The following SCAP variants were observed in gnomAD, a reference collection of about 807,000 sequenced individuals.
The protein encoded by SCAP is SREBF chaperone.
Under a neutral mutation model 123.6 loss-of-function variants are expected in SCAP, and 65 were observed. That is an observed-to-expected ratio of 0.53 (90% CI 0.43 to 0.65). The LOEUF (loss-of-function observed/expected upper bound fraction) is 0.65, where lower values mean the gene tolerates loss of function less well. SCAP is among the 30% of genes least tolerant of loss of function. The pLI is 0.00. For missense variants in SCAP, 1,398 were observed against 1,712.5 expected (o/e 0.82, Z 3.24); for synonymous variants, 740 against 726.3 (o/e 1.02, Z -0.30).
chr3:47,451,400 T>C (rs1165401089), intron 1 of SCAP, among the ~76,000 whole-genome samples: 1 of 96,036 alleles, frequency 1.0e-5, no homozygotes, highest in Non-Finnish European at 2.3e-5. Context: ...ATGCCTTTTT[T>C]TTTTTTTTTT....
intron 1 of SCAP, chr3:47,443,404 T>C (rs931682264): frequency 4.3e-5 from 8 of 185,788 alleles, no homozygotes; most frequent in Non-Finnish European, 6.8e-5. Context: ...CACGAAACCA[T>C]GCCTGTGTAA....
At position 47,450,838 on chromosome 3, in the gene SCAP, C is replaced by T. The variant is rs1201154141; in HGVS notation, c.-98-7747G>A. Among the ~76,000 whole-genome samples, 19 of 121,094 alleles carry T rather than the reference C, an allele frequency of 1.6e-4. 3 individuals carry two copies. The highest frequency in any genetic ancestry group is 1.1e-3 in the Admixed American group (12 of 10,966). The allele number at this position is 121,094 out of a possible 152,430, so 79.4% of individuals were successfully genotyped here. ...AATCTCAGTATCTTTACATTTTTCA[C>T]TATAAGCATTTATTTATTTTTCTTT... On this transcript the variant is annotated intron_variant, in intron 1 of 22. Coordinates refer to ENST00000265565, the MANE Select transcript of SCAP (RefSeq NM_012235.4).
chr3:47,424,541 C>A (rs1360921018), intron 8 of SCAP, among the ~76,000 whole-genome samples: 1 of 152,238 alleles, frequency 6.6e-6, no homozygotes, highest in Non-Finnish European at 1.5e-5. Context: ...CAAAGCTCTA[C>A]CAGCTATCTG....
intron 10 of SCAP, 28 bp from the exon 11 acceptor site, chr3:47,421,057 G>A: frequency 1.3e-6 from 2 of 1,582,648 alleles, no homozygotes; most frequent in South Asian, 2.2e-5. Flanking sequence ...GGGGATGGGG[G>A]GGTGCCGTGA....
Position 47,418,320 on chromosome 3 carries a change from C to A in SCAP, c.2331+1G>T. 6.4e-7 allele frequency: 1 copy of A among 1,560,128 alleles called. No homozygotes were observed. The highest frequency in any genetic ancestry group is 8.7e-7 in the Non-Finnish European group (1 of 1,152,770). On this transcript the variant is annotated splice_donor_variant, in intron 15 of 22. Transcript: ENST00000265565. LOFTEE classifies it high-confidence loss of function. ...TACCCGGCCACTGTGCCCCTGCTCACCATGAGGTGGCCGCGCAGCACAAGC... is the reference window on the plus strand; with the variant it reads ...TACCCGGCCACTGTGCCCCTGCTCAACATGAGGTGGCCGCGCAGCACAAGC...
rs746382022 is a variant in SCAP at position 47,469,303 on chromosome 3, C to T, written c.-99+6496G>A. On this transcript the variant is annotated intron_variant, in intron 1 of 22. Transcript: ENST00000265565. Reference sequence around the variant, plus strand: ...CAAAGGTTGCGGTGAGCAGAGACCACGCCGTTGCATTCCAGCTTGAGTGAC... The same window carrying T: ...CAAAGGTTGCGGTGAGCAGAGACCATGCCGTTGCATTCCAGCTTGAGTGAC... Among the ~76,000 whole-genome samples the T allele has an allele frequency of 7.9e-5, 12 of 152,156 alleles. No individual in the cohort carries two copies. In the South Asian group the frequency reaches 1.2e-3, roughly 16 times the overall value.
chr3:47,433,384 C>T (rs1320169336), intron 3 of SCAP, among the ~76,000 whole-genome samples: 1 of 152,164 alleles, frequency 6.6e-6, no homozygotes, highest in African/African-American at 2.4e-5. Context: ...GGACAATGCT[C>T]CTGATTCCCG....
chr3:47,446,267 G>A (rs2107932421), intron 1 of SCAP, among the ~76,000 whole-genome samples: 1 of 151,350 alleles, frequency 6.6e-6, no homozygotes, highest in South Asian at 2.1e-4. Flanking sequence ...TCCACCTCCT[G>A]GGTTCAAGTG....
In SCAP at chr3:47,443,456, T is replaced by TC. The variant is rs372087332; in HGVS notation, c.-98-366dup. Reference sequence around the variant, plus strand: ...CTGCTCTCTGTCAAACAGGCATTCTTCCCCCCCCTCCTCTATGCACAAATC... The same window carrying TC: ...CTGCTCTCTGTCAAACAGGCATTCTTCCCCCCCCCTCCTCTATGCACAAATC... On this transcript the variant is annotated intron_variant, in intron 1 of 22. Transcript: ENST00000265565. 2.1e-3 allele frequency among the ~76,000 whole-genome samples: 324 copies of TC among 151,492 alleles called. 3 individuals are homozygous for TC. Among genetic ancestry groups the TC allele is most frequent in the African/African-American group, 7.0e-3 (290 of 41,162 alleles).
intron 2 of SCAP, among the ~76,000 whole-genome samples, chr3:47,438,207 G>A (rs1706660526): frequency 6.6e-6 from 1 of 152,116 alleles, no homozygotes; most frequent in African/African-American, 2.4e-5. Flanking sequence ...ACCATGTTTT[G>A]AATATTTTAA....
chr3:47,427,783 C>T (rs182755936), intron 4 of SCAP, 116 bp from the exon 5 acceptor site: 14 of 878,862 alleles, frequency 1.6e-5, no homozygotes, highest in African/African-American at 3.4e-5. Flanking sequence ...TCTCTGGTAT[C>T]GCCAAAGAGC....
chr3:47,439,859 C>T lies in SCAP; in HGVS notation c.122+3013G>A, dbSNP rs1396952030. Among the ~76,000 whole-genome samples the T allele has an allele frequency of 1.3e-5, 2 of 152,254 alleles. No homozygotes were observed. The highest frequency in any genetic ancestry group is 2.9e-5 in the Non-Finnish European group (2 of 68,044). On this transcript the variant is annotated intron_variant, in intron 2 of 22. Transcript: ENST00000265565. This position sits in a 1 kb window ranked among gnomAD's most constrained non-coding sequence, Gnocchi z 4.0. ...AAGTAGTGTCCTTGGCTCTCAGTCA[C>T]TGAAACCTGCAGCCTCAACAGCAGC...
At chr3:47,462,513 T>A (rs1707679960) in intron 1 of SCAP, among the ~76,000 whole-genome samples, 1 of 152,114 alleles carries the variant, frequency 6.6e-6, no homozygotes, top group Admixed American at 6.6e-5. Flanking sequence ...CTGAAAGGGC[T>A]GACCATAAAG....
rs1164448724 is a variant in SCAP, at chr3:47,428,509, G to A, written c.410+4C>T. 6.2e-7 allele frequency: 1 copy of A among 1,613,680 alleles called. No homozygotes were observed. The highest frequency in any genetic ancestry group is 8.5e-7 in the Non-Finnish European group (1 of 1,179,812). On this transcript the variant is annotated splice_donor_region_variant and intron_variant, in intron 4 of 22. Transcript: ENST00000265565. ...AGGGAGGCCAGGGTCCCTGAGAGGGGTACCTGTCTCTCAGCACGTGGTTCC... is the reference window on the plus strand; with the variant it reads ...AGGGAGGCCAGGGTCCCTGAGAGGGATACCTGTCTCTCAGCACGTGGTTCC...
rs1553646892 is a variant in SCAP, at chr3:47,443,307, C to CTCCT, written c.-98-217_-98-216insAGGA. 9.2e-4 allele frequency: 127 copies of CTCCT among 137,576 alleles called. 3 individuals carry two copies. The highest frequency in any genetic ancestry group is 2.8e-3 in the African/African-American group (62 of 22,444). 8.5% of individuals were successfully genotyped at this position (137,576 alleles called of 1,614,324 possible). On this transcript the variant is annotated intron_variant, in intron 1 of 22. Transcript: ENST00000265565. ...TCTCTCTCTCTCTCTCTCTCTCTCT[C>CTCCT]TCTCCCTCCCCGCCCAACTCCCTCC...
chr3:47,427,065 G>A, intron 6 of SCAP, 92 bp downstream of exon 6: 1 of 846,288 alleles, frequency 1.2e-6, no homozygotes, highest in South Asian at 1.5e-5. Flanking sequence ...TTTCCAGGGG[G>A]CATTCAGAAC....
chr3:47,447,612 C>T (rs887088975), intron 1 of SCAP, among the ~76,000 whole-genome samples: 4 of 151,502 alleles, frequency 2.6e-5, no homozygotes, highest in Non-Finnish European at 5.9e-5. Flanking sequence ...TGCTTAAACC[C>T]GGGAGGCGGA....
chr3:47,462,976 T>G (rs969993116), intron 1 of SCAP, among the ~76,000 whole-genome samples: 2 of 152,226 alleles, frequency 1.3e-5, no homozygotes, highest in African/African-American at 4.8e-5. Context: ...TGTTTGCTGA[T>G]GTCTCTTACA....
At chr3:47,470,754 G>A (rs1245226197) in intron 1 of SCAP, among the ~76,000 whole-genome samples, 2 of 152,094 alleles carry the variant, frequency 1.3e-5, no homozygotes, top group East Asian at 3.9e-4. Flanking sequence ...CCAGCTACTT[G>A]GGAGGCTGAG....
Sources: allele counts gnomAD v4.1 joint callset (sites outside exome capture counted in the v4.1 genomes callset), GRCh38; gene constraint gnomAD v4.1.1; non-coding constraint Gnocchi (gnomAD v3.1); transcripts MANE v1.5; gene names NCBI Gene and HGNC (gene_info 2026-07-23, HGNC 2026-07-21).